Variants in TUSC3 observed in about 807,000 individuals in gnomAD.
The protein encoded by TUSC3 is dolichyl-diphosphooligosaccharide--protein glycosyltransferase subunit TUSC3.
TUSC3 carries 45 observed loss-of-function variants against 44.8 expected under a neutral mutation model. The ratio of observed to expected loss-of-function variants is 1.00; its 90% CI spans 0.79 to 1.29. TUSC3 has a LOEUF of 1.29. Ranked by LOEUF, TUSC3 falls within the 50% of genes most tolerant of loss-of-function variation. TUSC3 has a pLI of 0.00. For synonymous variants in TUSC3, 212 were observed against 152.9 expected, an observed-to-expected ratio of 1.39 and a Z score of -2.85; for missense variants, 519 against 437.9, an observed-to-expected ratio of 1.19 and a Z score of -1.65.
the TUSC3 span, among the ~76,000 whole-genome samples, chr8:15,792,489 C>A: frequency 0.2 from 30,671 of 152,174 alleles, 3,163 homozygotes; most frequent in South Asian, 0.32. Context: ...AAACACACAG[C>A]CATAATGAGA....
intron 1 of TUSC3, among the ~76,000 whole-genome samples, chr8:15,565,033 A>T (rs1287366969): frequency 6.6e-6 from 1 of 152,138 alleles, no homozygotes; most frequent in Non-Finnish European, 1.5e-5. Context: ...ACAAATTATC[A>T]CAAATTTAGA....
At chr8:15,806,622 T>G in the TUSC3 span, 1 of 1,413,880 alleles carries the variant, frequency 7.1e-7, no homozygotes, top group Middle Eastern at 1.8e-4. Context: ...TCTTCAGATC[T>G]TTCAGTGTCA....
At chr8:15,534,419 A>G (rs1801494210) in intron 2 of TUSC3, among the ~76,000 whole-genome samples, 2 of 152,036 alleles carry the variant, frequency 1.3e-5, no homozygotes, top group South Asian at 4.1e-4. Flanking sequence ...CGAGGCGGGC[A>G]GATCACAAGG....
chr8:15,669,620 G>A (rs1807851861), intron 5 of TUSC3, among the ~76,000 whole-genome samples: 1 of 151,720 alleles, frequency 6.6e-6, no homozygotes, highest in East Asian at 1.9e-4. Flanking sequence ...AAAAAAATAT[G>A]ATCATCTTTG....
intron 2 of TUSC3, among the ~76,000 whole-genome samples, chr8:15,535,147 T>A (rs1389697085): frequency 6.6e-6 from 1 of 152,206 alleles, no homozygotes; most frequent in Non-Finnish European, 1.5e-5. Context: ...TAAAAGCATA[T>A]TCAAATAAAT....
At chr8:15,687,113 T>C (rs1808668164) in intron 6 of TUSC3, among the ~76,000 whole-genome samples, 1 of 152,178 alleles carries the variant, frequency 6.6e-6, no homozygotes, top group African/African-American at 2.4e-5. Flanking sequence ...ACAAGAGTAA[T>C]TGACATACAT....
At chr8:15,469,677 C>A (rs1012360766) in intron 1 of TUSC3, among the ~76,000 whole-genome samples, 1 of 152,180 alleles carries the variant, frequency 6.6e-6, no homozygotes, top group African/African-American at 2.4e-5. Context: ...AACTTACGTC[C>A]ATAGAAAAAC....
At chr8:15,443,545 C>G (rs1385942626) in intron 1 of TUSC3, among the ~76,000 whole-genome samples, 1 of 152,114 alleles carries the variant, frequency 6.6e-6, no homozygotes, top group Non-Finnish European at 1.5e-5. Flanking sequence ...CCGAATCCAT[C>G]TTGCTTCTAA....
At chr8:15,595,071 C>T (rs1804007442) in intron 1 of TUSC3, among the ~76,000 whole-genome samples, 1 of 152,130 alleles carries the variant, frequency 6.6e-6, no homozygotes, top group Non-Finnish European at 1.5e-5. Context: ...TGGGCTATTC[C>T]CACCAGTCCC....
intron 1 of TUSC3, among the ~76,000 whole-genome samples, chr8:15,614,966 C>G (rs949608341): frequency 6.8e-6 from 1 of 146,460 alleles, no homozygotes; most frequent in African/African-American, 2.5e-5. Flanking sequence ...CCCCAAAATT[C>G]GGAAAAGGAC....
chr8:15,748,754 C>G (rs758845481), intron 9 of TUSC3: 3 of 571,016 alleles, frequency 5.3e-6, no homozygotes, highest in Admixed American at 1.9e-5. Context: ...TTTTTATCTT[C>G]CCTTAGTTTG....
intron 5 of TUSC3, among the ~76,000 whole-genome samples, chr8:15,666,750 G>A (rs1009659305): frequency 4.6e-5 from 7 of 151,300 alleles, no homozygotes; most frequent in African/African-American, 1.7e-4. Flanking sequence ...ATGAAATAAT[G>A]TTGTTTTTGG....
the TUSC3 span, among the ~76,000 whole-genome samples, chr8:15,819,976 T>C: frequency 6.6e-6 from 1 of 152,218 alleles, no homozygotes. Flanking sequence ...AGTTATTATG[T>C]TGTCAATTAT....
intron 1 of TUSC3, among the ~76,000 whole-genome samples, chr8:15,448,117 A>ATATATATATATTTATTTATT (rs1276079521): frequency 1.2e-4 from 11 of 93,754 alleles, no homozygotes; most frequent in East Asian, 2.7e-4. Context: ...ACATATATAT[A>ATATATATATATTTATTTATT]TATTTATTTA....
intron 1 of TUSC3, among the ~76,000 whole-genome samples, chr8:15,430,759 C>A (rs1201475471): frequency 2.6e-5 from 4 of 151,688 alleles, no homozygotes; most frequent in African/African-American, 4.9e-5. Context: ...TCTCCTTAAG[C>A]TGATAAGCAA....
intron 2 of TUSC3, among the ~76,000 whole-genome samples, chr8:15,492,471 G>C (rs1456701940): frequency 6.6e-6 from 1 of 152,110 alleles, no homozygotes; most frequent in Non-Finnish European, 1.5e-5. Flanking sequence ...ATCCTCATTT[G>C]TTTTCACTTT....
chr8:15,813,275 G>C, the TUSC3 span, among the ~76,000 whole-genome samples: 2 of 152,048 alleles, frequency 1.3e-5, no homozygotes, highest in Admixed American at 1.3e-4. Context: ...GTTTCTGAAA[G>C]TTCTTCCAAT....
Position 15,749,672 on chromosome 8 carries a change from T to C in TUSC3, c.1028+1207T>C, listed in dbSNP as rs531067669. Among the ~76,000 whole-genome samples the C allele has an allele frequency of 5.3e-5, 8 of 151,858 alleles. No individual in the cohort carries two copies. The South Asian group carries it at 1.7e-3, about 32-fold the overall frequency. ...CTTGACTTTAGAGAGCCAGCCAATT[T>C]TGGTTTTGATGATGTGAAATAATCA... On this transcript the variant is annotated intron_variant, in intron 9 of 10. Coordinates refer to ENST00000503731, the MANE Select transcript of TUSC3 (RefSeq NM_006765.4).
At chr8:15,812,889 T>A in the TUSC3 span, among the ~76,000 whole-genome samples, 1 of 151,116 alleles carries the variant, frequency 6.6e-6, no homozygotes, top group Non-Finnish European at 1.5e-5. Flanking sequence ...AGGTCAAGAG[T>A]TCAAGACCAG....
Sources: allele counts gnomAD v4.1 joint callset (sites outside exome capture counted in the v4.1 genomes callset), GRCh38; gene constraint gnomAD v4.1.1; transcripts MANE v1.5; gene names NCBI Gene and HGNC (gene_info 2026-07-23, HGNC 2026-07-21).